CCDC178: variants seen among roughly 807,000 people sequenced by gnomAD.
The protein encoded by CCDC178 is coiled-coil domain containing 178.
A neutral mutation model predicts 117.4 loss-of-function variants in CCDC178; 126 were observed. The ratio of observed to expected loss-of-function variants is 1.07; its 90% CI spans 0.93 to 1.24. The LOEUF (loss-of-function observed/expected upper bound fraction) is 1.24. CCDC178 is among the 50% of genes most tolerant of loss of function. CCDC178 has a pLI of 0.00. For synonymous variants in CCDC178, 283 were observed against 313.4 expected, an observed-to-expected ratio of 0.90 and a Z score of 1.02; for missense variants, 1,030 against 986.9, an observed-to-expected ratio of 1.04 and a Z score of -0.59.
At chr18:33,306,633 TAA>T (rs532634282) in intron 11 of CCDC178, among the ~76,000 whole-genome samples, 4 of 146,222 alleles carry the variant, frequency 2.7e-5, no homozygotes, top group African/African-American at 7.5e-5. Context: ...TATATATATA[TAA>T]GGTTATATGT....
chr18:33,109,906 G>T (rs1449603601), intron 20 of CCDC178, among the ~76,000 whole-genome samples: 1 of 151,384 alleles, frequency 6.6e-6, no homozygotes, highest in Non-Finnish European at 1.5e-5. Context: ...GAATAAAGCT[G>T]ACAGTAACAC....
At chr18:33,228,797 A>G (rs530193322) in intron 15 of CCDC178, among the ~76,000 whole-genome samples, 5 of 152,308 alleles carry the variant, frequency 3.3e-5, no homozygotes, top group African/African-American at 1.2e-4. Context: ...GAGTGTTTCC[A>G]GGCAGATGCT....
At chr18:33,389,748 C>A (rs1043216927) in intron 4 of CCDC178, 119 bp from the exon 5 acceptor site, 10 of 411,052 alleles carry the variant, frequency 2.4e-5, no homozygotes, top group Admixed American at 1.3e-4. Flanking sequence ...AGAAAAACAA[C>A]TATGATACAA....
At chr18:33,130,826 T>C (rs1020611687) in intron 20 of CCDC178, among the ~76,000 whole-genome samples, 1 of 151,962 alleles carries the variant, frequency 6.6e-6, no homozygotes, top group African/African-American at 2.4e-5. Context: ...TCCTCTTCAA[T>C]ACGTTTTCTA....
chr18:32,969,351 T>G (rs1273689635), intron 22 of CCDC178, among the ~76,000 whole-genome samples: 2 of 152,018 alleles, frequency 1.3e-5, no homozygotes, highest in Non-Finnish European at 2.9e-5. Context: ...CCTCAATCAC[T>G]GTAGTAACAT....
Position 33,389,540 on chromosome 18 carries a change from C to A in CCDC178, c.208G>T (p.Gly70Trp). ...TATATGATTTACATTCAGTCCTCACCTTCAGTATTTGTCATTTTACTTTCA... is the reference window on the plus strand; with the variant it reads ...TATATGATTTACATTCAGTCCTCACATTCAGTATTTGTCATTTTACTTTCA... ...FHESKMTNTEGVNKGIYFSYP... is the reference protein window; with the variant it reads ...FHESKMTNTEWVNKGIYFSYP... Residue 70 changes from glycine (G) to tryptophan (W), a missense_variant and splice_region_variant, in exon 5 of 23, where the codon GGG becomes TGG. Transcript: ENST00000383096. 2 of 1,469,288 alleles carry A rather than the reference C, an allele frequency of 1.4e-6. No homozygotes were observed. Among genetic ancestry groups the A allele is most frequent in the Non-Finnish European group, 9.1e-7 (1 of 1,094,676 alleles). 91.0% of individuals were successfully genotyped at this position (1,469,288 alleles called of 1,614,324 possible).
chr18:33,047,602 T>C (rs2056667825), intron 21 of CCDC178, among the ~76,000 whole-genome samples: 1 of 152,190 alleles, frequency 6.6e-6, no homozygotes, highest in Admixed American at 6.5e-5. Flanking sequence ...ATCTGTGAAA[T>C]GAAAAGTGGT....
chr18:33,157,140 TA>T (rs1162796273), intron 20 of CCDC178, among the ~76,000 whole-genome samples: 1 of 152,202 alleles, frequency 6.6e-6, no homozygotes, highest in African/African-American at 2.4e-5. Flanking sequence ...GATGAATAAA[TA>T]AAAATGTTTC....
chr18:33,394,549 A>C (rs2063606052), intron 4 of CCDC178, among the ~76,000 whole-genome samples: 1 of 152,044 alleles, frequency 6.6e-6, no homozygotes, highest in Admixed American at 6.6e-5. Context: ...ATTACTTAAG[A>C]AGGTTTTTTC....
chr18:33,203,651 A>G (rs1192867354), intron 20 of CCDC178, among the ~76,000 whole-genome samples: 1 of 152,168 alleles, frequency 6.6e-6, no homozygotes, highest in Admixed American at 6.5e-5. Flanking sequence ...ATCTTTTCAA[A>G]CATAAGTCAG....
chr18:33,428,907 G>A (rs2064165657), intron 2 of CCDC178, among the ~76,000 whole-genome samples: 1 of 151,200 alleles, frequency 6.6e-6, no homozygotes, highest in Non-Finnish European at 1.5e-5. Context: ...AACGTGTGCA[G>A]TATTTTTCAA....
chr18:33,026,283 AT>A (rs1472716653), intron 21 of CCDC178, among the ~76,000 whole-genome samples: 1 of 152,014 alleles, frequency 6.6e-6, no homozygotes, highest in Non-Finnish European at 1.5e-5. Context: ...AGCATTTTGT[AT>A]TTTGGGCGTA....
intron 15 of CCDC178, among the ~76,000 whole-genome samples, chr18:33,244,592 A>G (rs113234034): frequency 0.058 from 8,828 of 151,936 alleles, 367 homozygotes; most frequent in East Asian, 0.11. Context: ...GCCTTCTGCC[A>G]TAATTGTAAG....
intron 20 of CCDC178, among the ~76,000 whole-genome samples, chr18:33,151,338 T>G (rs1022220312): frequency 3.3e-5 from 5 of 152,126 alleles, no homozygotes; most frequent in Non-Finnish European, 5.9e-5. Context: ...ATATCTACAG[T>G]CTTCAAATAT....
rs192152448 is a variant in CCDC178, at chr18:33,438,129, T to C, written c.-23+1833A>G. 1.2e-3 allele frequency among the ~76,000 whole-genome samples: 182 copies of C among 152,208 alleles called. 1 individual carries two copies. Among genetic ancestry groups the C allele is most frequent in the African/African-American group, 4.1e-3 (172 of 41,530 alleles). ...GAAAGCCAAACCATAACTTCCACAGTGATCAGCATGGAACAGTCAGGACTT... is the reference window on the plus strand; with the variant it reads ...GAAAGCCAAACCATAACTTCCACAGCGATCAGCATGGAACAGTCAGGACTT... On this transcript the variant is annotated intron_variant, in intron 2 of 22. Transcript: ENST00000383096.
intron 20 of CCDC178, among the ~76,000 whole-genome samples, chr18:33,109,453 A>G (rs1356731098): frequency 6.6e-6 from 1 of 151,664 alleles, no homozygotes; most frequent in Non-Finnish European, 1.5e-5. Context: ...GTTGTGGTCG[A>G]TGGGTTTTCT....
rs574898300 is a variant in CCDC178 at position 33,166,062 on chromosome 18, T to C, written c.2238+45834A>G. Among the ~76,000 whole-genome samples the C allele has an allele frequency of 9.2e-5, 14 of 152,310 alleles. No homozygotes were observed. In the East Asian group the frequency reaches 2.5e-3, roughly 27 times the overall value. ...AGGTATCAGCAGTTGTATCCACCAT[T>C]GTTTTTACACCATGAGCACAAATGT... is the stretch of plus-strand genomic sequence containing the variant. On this transcript the variant is annotated intron_variant, in intron 20 of 22. Transcript: ENST00000383096.
At chr18:33,014,582 C>G (rs2055939699) in intron 21 of CCDC178, among the ~76,000 whole-genome samples, 1 of 152,106 alleles carries the variant, frequency 6.6e-6, no homozygotes, top group South Asian at 2.1e-4. Flanking sequence ...TTCTAGAGGA[C>G]CTGTATAAGC....
intron 21 of CCDC178, among the ~76,000 whole-genome samples, chr18:33,058,732 C>A (rs1382131235): frequency 2.0e-5 from 3 of 152,086 alleles, no homozygotes. Context: ...CAAATTCTTT[C>A]ATATTCAGGT....
Sources: gnomAD v4.1 joint callset for allele counts (sites outside exome capture counted in the v4.1 genomes callset) on GRCh38, gnomAD v4.1.1 for gene constraint, MANE v1.5 for transcripts, NCBI Gene and HGNC (gene_info 2026-07-23, HGNC 2026-07-21) for gene names.